Variants in NPAS3 observed in about 807,000 individuals in gnomAD.
The protein encoded by NPAS3 is neuronal PAS domain-containing protein 3.
Under a neutral mutation model 73.1 loss-of-function variants are expected in NPAS3, and 14 were observed. The ratio of observed to expected loss-of-function variants is 0.19; its 90% CI spans 0.13 to 0.30. NPAS3 has a LOEUF of 0.30. Among genes scored for constraint, NPAS3 ranks in the 10% least tolerant of loss-of-function variants. The pLI, the probability that NPAS3 is intolerant of heterozygous loss-of-function variation, is 1.00. For synonymous variants in NPAS3, 620 were observed against 541.5 expected, an observed-to-expected ratio of 1.14 and a Z score of -2.01; for missense variants, 1,096 against 1,250.0, an observed-to-expected ratio of 0.88 and a Z score of 1.86.
chr14:33,122,826 T>A lies in NPAS3; in HGVS notation c.140+66832T>A, dbSNP rs113237600. On this transcript the variant is annotated intron_variant, in intron 2 of 11. Coordinates refer to ENST00000356141, the Ensembl canonical transcript of NPAS3. ...GGGAAAGAAGAAAGAAAATAAAACTTAAGGGGCTACTTTGAGAAAAGTTTT... is the reference window on the plus strand; with the variant it reads ...GGGAAAGAAGAAAGAAAATAAAACTAAAGGGGCTACTTTGAGAAAAGTTTT... Among the ~76,000 whole-genome samples the A allele has an allele frequency of 8.9e-3, 1,347 of 152,126 alleles. 22 individuals are homozygous for A. Among genetic ancestry groups the A allele is most frequent in the African/African-American group, 0.031 (1,281 of 41,520 alleles).
chr14:32,939,173 C>T, upstream of NPAS3: 1 of 190,624 alleles, frequency 5.2e-6, no homozygotes, highest in Non-Finnish European at 1.0e-5. Context: ...GCCCCGGCCA[C>T]CGCCCGCCGG....
chr14:33,550,293 G>A (rs546113039), intron 4 of NPAS3, among the ~76,000 whole-genome samples: 26 of 152,268 alleles, frequency 1.7e-4, no homozygotes, highest in Non-Finnish European at 3.1e-4. Context: ...AAGCATTACT[G>A]CTTTTAATTG....
chr14:33,145,055 TTC>T (rs1222961094), intron 2 of NPAS3, among the ~76,000 whole-genome samples: 2 of 152,216 alleles, frequency 1.3e-5, no homozygotes, highest in Admixed American at 6.5e-5. Flanking sequence ...TTGTTCCTCT[TTC>T]TCTCTCATGA....
intron 2 of NPAS3, among the ~76,000 whole-genome samples, chr14:33,207,823 A>G (rs535490775): frequency 2.0e-5 from 3 of 152,330 alleles, no homozygotes; most frequent in East Asian, 3.9e-4. Flanking sequence ...TTAGTCTTAT[A>G]TCAGCTGTGT....
At chr14:33,787,221 T>C (rs2063203715) in intron 9 of NPAS3, among the ~76,000 whole-genome samples, 1 of 152,192 alleles carries the variant, frequency 6.6e-6, no homozygotes, top group Non-Finnish European at 1.5e-5. Context: ...ATTCTCCTTG[T>C]CCTAGAACAC....
At chr14:33,022,694 T>G (rs2039652333) in intron 1 of NPAS3, among the ~76,000 whole-genome samples, 1 of 151,674 alleles carries the variant, frequency 6.6e-6, no homozygotes, top group Non-Finnish European at 1.5e-5. Context: ...AAAAAGTTAC[T>G]TTTGTGTAAG....
At chr14:33,383,527 G>A (rs998481895) in intron 4 of NPAS3, among the ~76,000 whole-genome samples, 1 of 151,900 alleles carries the variant, frequency 6.6e-6, no homozygotes, top group African/African-American at 2.4e-5. Context: ...TCAGCCAAGG[G>A]GTCATTAAAG....
intron 4 of NPAS3, among the ~76,000 whole-genome samples, chr14:33,480,934 A>G (rs1282270063): frequency 6.6e-6 from 1 of 151,812 alleles, no homozygotes; most frequent in Non-Finnish European, 1.5e-5. Context: ...TCTTTGGGGG[A>G]GAATAGGAGA....
intron 2 of NPAS3, among the ~76,000 whole-genome samples, chr14:33,093,626 C>A (rs975273916): frequency 4.9e-5 from 7 of 142,252 alleles, no homozygotes; most frequent in Admixed American, 6.9e-5. Flanking sequence ...TGGGTATATA[C>A]CCAAAGGATT....
chr14:33,285,253 T>C (rs2140083634), intron 3 of NPAS3, among the ~76,000 whole-genome samples: 1 of 152,262 alleles, frequency 6.6e-6, no homozygotes, highest in African/African-American at 2.4e-5. Flanking sequence ...CTTGGTTCCC[T>C]CCATGAGTTC....
intron 1 of NPAS3, among the ~76,000 whole-genome samples, chr14:32,959,082 C>T (rs1297525296): frequency 6.6e-6 from 1 of 152,190 alleles, no homozygotes; most frequent in Non-Finnish European, 1.5e-5. Context: ...TTGTGTTGGG[C>T]CCTGGGTTGG....
At chr14:33,039,656 T>G (rs190281102) in intron 1 of NPAS3, among the ~76,000 whole-genome samples, 100 of 152,372 alleles carry the variant, frequency 6.6e-4, no homozygotes, top group Non-Finnish European at 1.4e-3. Context: ...CACAAATGAT[T>G]CTCAGCTTCT....
intron 2 of NPAS3, among the ~76,000 whole-genome samples, chr14:33,197,940 T>C (rs2046436108): frequency 6.6e-6 from 1 of 152,202 alleles, no homozygotes; most frequent in Admixed American, 6.5e-5. Context: ...TTCCTTCTGA[T>C]GTTCGGACGT....
At chr14:33,750,328 T>C (rs933616206) in intron 7 of NPAS3, among the ~76,000 whole-genome samples, 3 of 152,124 alleles carry the variant, frequency 2.0e-5, no homozygotes, top group African/African-American at 7.2e-5. Flanking sequence ...AATGAGGTGA[T>C]ATTTCAGCAG....
intron 7 of NPAS3, among the ~76,000 whole-genome samples, chr14:33,745,060 G>A (rs957792819): frequency 2.0e-5 from 3 of 151,960 alleles, no homozygotes; most frequent in Non-Finnish European, 4.4e-5. Flanking sequence ...GGGCAAAACA[G>A]CAAGACCCCC....
chr14:33,490,547 A>G (rs897604687), intron 4 of NPAS3, among the ~76,000 whole-genome samples: 4 of 152,030 alleles, frequency 2.6e-5, no homozygotes, highest in African/African-American at 7.2e-5. Flanking sequence ...CCATATTTCC[A>G]TGGAGTTTTG....
At chr14:33,558,498 G>T in intron 4 of NPAS3, among the ~76,000 whole-genome samples, 1 of 152,098 alleles carries the variant, frequency 6.6e-6, no homozygotes, top group South Asian at 2.1e-4. Flanking sequence ...GGTCTCAAGT[G>T]ATCTGCCAAC....
At chr14:33,236,906 C>A (rs1338872308) in intron 3 of NPAS3, among the ~76,000 whole-genome samples, 2 of 152,026 alleles carry the variant, frequency 1.3e-5, no homozygotes, top group African/African-American at 4.8e-5. Flanking sequence ...AATTTTCAGT[C>A]TTTATGAAAG....
chr14:33,372,513 G>T (rs2046135608), intron 4 of NPAS3, among the ~76,000 whole-genome samples: 1 of 152,234 alleles, frequency 6.6e-6, no homozygotes, highest in South Asian at 2.1e-4. Flanking sequence ...GTGTTTGTAG[G>T]CAGGGCCAAG....
Sources: gnomAD v4.1 joint callset for allele counts (sites outside exome capture counted in the v4.1 genomes callset) on GRCh38, gnomAD v4.1.1 for gene constraint, MANE v1.5 for transcripts, NCBI Gene and HGNC (gene_info 2026-07-23, HGNC 2026-07-21) for gene names.